Variants in C10orf105 observed in about 807,000 individuals in gnomAD.
The protein encoded by C10orf105 is uncharacterized protein C10orf105.
C10orf105 carries 2 observed loss-of-function variants against 0.6 expected under a neutral mutation model. The observed-to-expected ratio is 3.18, with a 90% confidence interval of 1.30 to 10.01. The LOEUF is 10.01. C10orf105 is among the 30% of genes most tolerant of loss of function. The pLI is 0.04. For synonymous variants in C10orf105, 95 were observed against 82.4 expected (o/e 1.15, Z -0.83); for missense variants, 209 against 191.4 (o/e 1.09, Z -0.54).
In C10orf105 at chr10:71,736,162, G is replaced by GC. The variant is rs1839559076; in HGVS notation, c.-6+1565dup. ...CTTCGGAGCACACACTTCTGCCTGT[G>GC]CCCCTGTATTTCCACAGTGCTTTGC... On this transcript the variant is annotated intron_variant, in intron 1 of 1. Coordinates refer to the C10orf105 transcript ENST00000398786. Among the ~76,000 whole-genome samples the GC allele has an allele frequency of 5.3e-5, 8 of 152,340 alleles. No homozygotes were observed. The South Asian group carries it at 1.7e-3, about 32-fold the overall frequency.
In C10orf105 at chr10:71,725,630, T is replaced by C. The variant is rs371221128; in HGVS notation, c.-5-9288A>G. 4.7e-6 allele frequency: 6 copies of C among 1,280,020 alleles called. No homozygotes were observed. The African/African-American group carries it at 8.9e-5, about 19-fold the overall frequency. The allele number at this position is 1,280,020 out of a possible 1,614,324, so 79.3% of individuals were successfully genotyped here. A position where few individuals can be genotyped will look rare whatever the true frequency, so the allele number is the denominator to read the frequency against. Reference sequence around the variant, plus strand: ...TGGTGTGGGCAGGGCCACCACTGATTTAGGTGCTGAATGACATCTGGGCCT... The same window carrying C: ...TGGTGTGGGCAGGGCCACCACTGATCTAGGTGCTGAATGACATCTGGGCCT... On this transcript the variant is annotated intron_variant, in intron 1 of 1. Coordinates refer to the C10orf105 transcript ENST00000398786.
chr10:71,720,204 G>T (rs1208488386), upstream of C10orf105, among the ~76,000 whole-genome samples: 2 of 152,210 alleles, frequency 1.3e-5, no homozygotes, highest in Non-Finnish European at 2.9e-5. Context: ...CCCTCCTGCA[G>T]CGTCCCTGGG....
At chr10:71,725,687 C>T (rs1226898880) in intron 1 of C10orf105, among the ~76,000 whole-genome samples, 1 of 152,184 alleles carries the variant, frequency 6.6e-6, no homozygotes, top group Non-Finnish European at 1.5e-5. Context: ...CAGCCTGGGA[C>T]TTGGACTTGT....
intron 1 of C10orf105, chr10:71,734,649 C>T: frequency 6.8e-7 from 1 of 1,478,554 alleles, no homozygotes; most frequent in Non-Finnish European, 9.2e-7. Flanking sequence ...GCTGCCTCTG[C>T]CTACAGAAGG....
At chr10:71,722,694 G>A (rs1054119843), upstream of C10orf105, among the ~76,000 whole-genome samples, 1 of 152,222 alleles carries the variant, frequency 6.6e-6, no homozygotes, top group Non-Finnish European at 1.5e-5. Flanking sequence ...TGCTCAGGGA[G>A]GGTCTTAGGA....
In C10orf105 at chr10:71,712,451, G is replaced by A; in HGVS notation, c.*3485C>T. ...TGGGGTTGCTGTGAGGACTGAATGG[G>A]TTAGAAGAATGGCTGGCACATGGTG... On this transcript the variant is annotated 3_prime_UTR_variant, in exon 2 of 2. Transcript: ENST00000441508. The A allele has an allele frequency of 1.8e-6, 1 of 569,910 alleles. No homozygotes were observed. The highest frequency in any genetic ancestry group is 3.0e-5 in the Admixed American group (1 of 33,192). 35.3% of individuals were successfully genotyped at this position (569,910 alleles called of 1,614,324 possible). A position where few individuals can be genotyped will look rare whatever the true frequency, so the allele number is the denominator to read the frequency against.
intron 1 of C10orf105, among the ~76,000 whole-genome samples, chr10:71,729,235 A>G (rs1454232175): frequency 1.3e-5 from 2 of 152,228 alleles, no homozygotes; most frequent in Non-Finnish European, 2.9e-5. Flanking sequence ...ATGGTGCGTA[A>G]TTGCACAATT....
At chr10:71,721,812 T>C (rs1189167983), upstream of C10orf105, among the ~76,000 whole-genome samples, 1 of 152,186 alleles carries the variant, frequency 6.6e-6, no homozygotes, top group Non-Finnish European at 1.5e-5. Flanking sequence ...ATTCCACTCT[T>C]CCAACCACAG....
At chr10:71,734,676 G>C (rs749653255) in intron 1 of C10orf105, 2 of 1,407,466 alleles carry the variant, frequency 1.4e-6, no homozygotes, top group Non-Finnish European at 1.9e-6. Context: ...GCCTGTGGCT[G>C]GAGCTTCCCC....
intron 1 of C10orf105, among the ~76,000 whole-genome samples, chr10:71,734,852 ACTCTGTC>A (rs1839510764): frequency 6.6e-6 from 1 of 152,024 alleles, no homozygotes; most frequent in Non-Finnish European, 1.5e-5. Flanking sequence ...CCTGCCTCCA[ACTCTGTC>A]CTCTGTGTCT....
Position 71,715,807 on chromosome 10 carries a change from C to G in C10orf105, c.*129G>C. ...GCTGGCCTGGGCATGCAAGGAGCTT[C>G]GGGGGGTGAGTGTGTGTCCCAGACT... On this transcript the variant is annotated 3_prime_UTR_variant, in exon 2 of 2. Coordinates refer to ENST00000441508, the MANE Select transcript of C10orf105 (RefSeq NM_001164375.3). 2.2e-6 allele frequency: 2 copies of G among 896,180 alleles called. No homozygotes were observed. Among genetic ancestry groups the G allele is most frequent in the Non-Finnish European group, 3.2e-6 (2 of 628,246 alleles). 55.5% of individuals were successfully genotyped at this position (896,180 alleles called of 1,614,324 possible). A position where few individuals can be genotyped will look rare whatever the true frequency, so the allele number is the denominator to read the frequency against.
At position 71,712,630 on chromosome 10, in the gene C10orf105, AGCT is replaced by A. The variant is rs1866020681; in HGVS notation, c.*3303_*3305del. ...CAGGAAGTGTGCCCCTCTCTCAGGC[AGCT>A]GCTAACACCTGTCTTCCTTCAACTC... On this transcript the variant is annotated 3_prime_UTR_variant, in exon 2 of 2. Transcript: ENST00000441508. The A allele has an allele frequency of 1.9e-6, 3 of 1,609,102 alleles. No individual in the cohort carries two copies. The highest frequency in any genetic ancestry group is 2.5e-6 in the Non-Finnish European group (3 of 1,176,704).
At chr10:71,723,993 T>C (rs1866689209), upstream of C10orf105, 2 of 1,545,270 alleles carry the variant, frequency 1.3e-6, no homozygotes, top group African/African-American at 2.7e-5. Context: ...AAACCTCTTC[T>C]CTCCCTGCTG....
At chr10:71,734,606 C>T (rs1207625083) in intron 1 of C10orf105, 1 of 1,580,204 alleles carries the variant, frequency 6.3e-7, no homozygotes, top group African/African-American at 1.3e-5. Context: ...TAACCATTTG[C>T]ATCTTTGCCT....
At chr10:71,722,301 C>A (rs746903893), upstream of C10orf105, among the ~76,000 whole-genome samples, 2 of 152,104 alleles carry the variant, frequency 1.3e-5, no homozygotes, top group African/African-American at 2.4e-5. Flanking sequence ...ATAATCTAGG[C>A]AGAAGGAGAA....
At position 71,712,672 on chromosome 10, in the gene C10orf105, C is replaced by A. The variant is rs750364937; in HGVS notation, c.*3264G>T. 14 of 1,613,456 alleles carry A rather than the reference C, an allele frequency of 8.7e-6. No individual in the cohort carries two copies. The Admixed American group carries it at 2.3e-4, about 27-fold the overall frequency. On this transcript the variant is annotated 3_prime_UTR_variant, in exon 2 of 2. Coordinates refer to ENST00000441508, the MANE Select transcript of C10orf105 (RefSeq NM_001164375.3). The stretch of plus-strand genomic sequence containing the variant: ...TTCCTTCAACTCCCACAGACAACGG[C>A]CCTGTAGGGAAGCGACACACGGGCA...
chr10:71,733,276 G>T (rs1839451508), intron 1 of C10orf105, among the ~76,000 whole-genome samples: 1 of 152,174 alleles, frequency 6.6e-6, no homozygotes, highest in Admixed American at 6.5e-5. Context: ...GCCCTCCTCG[G>T]ACATGCCACC....
intron 1 of C10orf105, among the ~76,000 whole-genome samples, chr10:71,732,967 A>T (rs1219257219): frequency 1.3e-5 from 2 of 152,274 alleles, no homozygotes; most frequent in East Asian, 3.9e-4. Flanking sequence ...TCCAGTAGAC[A>T]CCATAGTGTC....
chr10:71,726,703 C>T (rs569022738), intron 1 of C10orf105, among the ~76,000 whole-genome samples: 1 of 152,336 alleles, frequency 6.6e-6, no homozygotes, highest in African/African-American at 2.4e-5. Flanking sequence ...TCAGTACGCC[C>T]TCATCAGAGC....
Sources: allele counts gnomAD v4.1 joint callset (sites outside exome capture counted in the v4.1 genomes callset), GRCh38; gene constraint gnomAD v4.1.1; transcripts MANE v1.5; gene names NCBI Gene and HGNC (gene_info 2026-07-23, HGNC 2026-07-21).